FMN2: variants seen among roughly 807,000 people sequenced by gnomAD.
FMN2 encodes formin-2.
In FMN2, 51 loss-of-function variants were observed where a neutral mutation model predicts 142.3. That is an observed-to-expected ratio of 0.36 (90% CI 0.29 to 0.45). The LOEUF (loss-of-function observed/expected upper bound fraction) is 0.45. Ranked by LOEUF, FMN2 falls within the 20% of genes least tolerant of loss-of-function variation. FMN2 has a pLI of 1.00. For missense variants in FMN2, 1,936 were observed against 2,122.8 expected (o/e 0.91, Z 1.73); for synonymous variants, 882 against 869.8 (o/e 1.01, Z -0.25).
chr1:240,297,392 G>A lies in FMN2; in HGVS notation c.4215+2509G>A, dbSNP rs139387245. On this transcript the variant is annotated intron_variant, in intron 8 of 17. Transcript: ENST00000319653. Reference sequence around the variant, plus strand: ...GGGAGGATCACGAGGTCGGGAGTTCGAGAACAGCCTGGCCAACATGGTGAA... The same window carrying A: ...GGGAGGATCACGAGGTCGGGAGTTCAAGAACAGCCTGGCCAACATGGTGAA... 4.1e-3 allele frequency among the ~76,000 whole-genome samples: 628 copies of A among 151,982 alleles called. 4 individuals are homozygous for A. The highest frequency in any genetic ancestry group is 0.014 in the African/African-American group (594 of 41,442).
intron 15 of FMN2, among the ~76,000 whole-genome samples, chr1:240,434,530 TTTTTTG>T (rs1472121538): frequency 6.6e-6 from 1 of 150,550 alleles, no homozygotes; most frequent in Non-Finnish European, 1.5e-5. Context: ...TTGCTTGTTT[TTTTTTG>T]TTTTGTTTTT....
At chr1:240,100,559 G>A (rs1452883072) in intron 1 of FMN2, among the ~76,000 whole-genome samples, 4 of 152,168 alleles carry the variant, frequency 2.6e-5, no homozygotes, top group Admixed American at 6.5e-5. Context: ...CTAAGAATGA[G>A]TAACAATTAT....
intron 6 of FMN2, among the ~76,000 whole-genome samples, chr1:240,244,964 A>G (rs192008323): frequency 1.6e-4 from 24 of 152,330 alleles, no homozygotes; most frequent in African/African-American, 9.6e-5. Flanking sequence ...GCTGAGTACT[A>G]CAGTAAGCAA....
intron 7 of FMN2, 69 bp from the exon 8 acceptor site, chr1:240,294,753 G>T: frequency 6.9e-7 from 1 of 1,445,158 alleles, no homozygotes; most frequent in South Asian, 1.1e-5. Flanking sequence ...TGAGCCTGCT[G>T]CCTGAGATGG....
intron 16 of FMN2, among the ~76,000 whole-genome samples, chr1:240,443,503 C>G (rs1246505824): frequency 3.3e-5 from 5 of 152,076 alleles, no homozygotes; most frequent in African/African-American, 4.8e-5. Context: ...TTTGGGAGGC[C>G]AAGCACTTTG....
intron 6 of FMN2, among the ~76,000 whole-genome samples, chr1:240,253,226 C>T (rs1435798256): frequency 6.6e-6 from 1 of 151,998 alleles, no homozygotes; most frequent in Non-Finnish European, 1.5e-5. Context: ...GCCTCAGCCT[C>T]CCAAAGTGCT....
At chr1:240,225,100 C>T (rs1260979998) in intron 6 of FMN2, among the ~76,000 whole-genome samples, 1 of 152,160 alleles carries the variant, frequency 6.6e-6, no homozygotes, top group African/African-American at 2.4e-5. Context: ...TGTTAAAACA[C>T]TGAGCAAACA....
At chr1:240,115,285 A>C (rs1016591920) in intron 1 of FMN2, among the ~76,000 whole-genome samples, 3 of 152,128 alleles carry the variant, frequency 2.0e-5, no homozygotes, top group African/African-American at 7.2e-5. Flanking sequence ...TGGACATTTT[A>C]GTTCCTTTGA....
At chr1:240,296,418 G>GGGTCT (rs1669984376) in intron 8 of FMN2, among the ~76,000 whole-genome samples, 1 of 126,018 alleles carries the variant, frequency 7.9e-6, no homozygotes, top group Non-Finnish European at 1.7e-5. Flanking sequence ...GTCCTATTTT[G>GGGTCT]GGTCTAATAT....
intron 6 of FMN2, among the ~76,000 whole-genome samples, chr1:240,252,323 T>C (rs1231629595): frequency 6.6e-6 from 1 of 152,182 alleles, no homozygotes. Context: ...TCCTTCCTCT[T>C]CCTTATTTGT....
At chr1:240,100,502 G>A (rs1046364697) in intron 1 of FMN2, among the ~76,000 whole-genome samples, 1 of 152,134 alleles carries the variant, frequency 6.6e-6, no homozygotes, top group Non-Finnish European at 1.5e-5. Flanking sequence ...TATGACCTCA[G>A]TCAGTTCGGA....
At chr1:240,144,000 C>G in intron 2 of FMN2, 1 of 1,237,866 alleles carries the variant, frequency 8.1e-7, no homozygotes, top group Non-Finnish European at 1.2e-6. Context: ...AGAGCAGGGA[C>G]ACACTCATTC....
chr1:240,445,718 T>C (rs12743543), intron 16 of FMN2, among the ~76,000 whole-genome samples: 109,729 of 146,796 alleles, frequency 0.75, 41,078 homozygotes, highest in Admixed American at 0.82. Context: ...TTTTTTTTTC[T>C]GGAGAGAAAA....
At chr1:240,135,306 A>G (rs1228621128) in intron 2 of FMN2, among the ~76,000 whole-genome samples, 2 of 152,164 alleles carry the variant, frequency 1.3e-5, no homozygotes, top group Admixed American at 6.5e-5. Flanking sequence ...AAAATCATGG[A>G]TGGGAACAGT....
At chr1:240,156,179 G>C in intron 2 of FMN2, among the ~76,000 whole-genome samples, 1 of 152,286 alleles carries the variant, frequency 6.6e-6, no homozygotes, top group Non-Finnish European at 1.5e-5. Flanking sequence ...TGAGCCAGGA[G>C]TAGGAGGCCG....
chr1:240,128,621 T>A (rs78446442), intron 2 of FMN2, among the ~76,000 whole-genome samples: 10 of 152,194 alleles, frequency 6.6e-5, no homozygotes, highest in Non-Finnish European at 1.5e-4. Context: ...AGCTCCTTGA[T>A]ATGTATGTAA....
chr1:240,242,391 G>T (rs1667941412), intron 6 of FMN2, among the ~76,000 whole-genome samples: 1 of 152,162 alleles, frequency 6.6e-6, no homozygotes, highest in Non-Finnish European at 1.5e-5. Flanking sequence ...ATGTCCTGCA[G>T]ACTTACTTGC....
At chr1:240,166,938 A>G (rs1664505151) in intron 2 of FMN2, among the ~76,000 whole-genome samples, 1 of 152,124 alleles carries the variant, frequency 6.6e-6, no homozygotes, top group African/African-American at 2.4e-5. Context: ...CCTGGCCAAC[A>G]TGATGAAACC....
chr1:240,130,797 C>T (rs932503968), intron 2 of FMN2, among the ~76,000 whole-genome samples: 3 of 151,968 alleles, frequency 2.0e-5, no homozygotes, highest in Non-Finnish European at 4.4e-5. Context: ...TTTTATTTTT[C>T]AGCTCATTCT....
Sources: allele counts gnomAD v4.1 joint callset (sites outside exome capture counted in the v4.1 genomes callset), GRCh38; gene constraint gnomAD v4.1.1; transcripts MANE v1.5; gene names NCBI Gene and HGNC (gene_info 2026-07-23, HGNC 2026-07-21).